Variants in PLXNA2 observed in about 807,000 individuals in gnomAD.
PLXNA2 encodes the protein plexin A2.
Under a neutral mutation model 193.5 loss-of-function variants are expected in PLXNA2, and 91 were observed. That is an observed-to-expected ratio of 0.47 (90% CI 0.40 to 0.56). The LOEUF (loss-of-function observed/expected upper bound fraction) is 0.56. PLXNA2 is among the 20% of genes least tolerant of loss of function. The pLI is 0.00. For missense variants in PLXNA2, 1,995 were observed against 2,503.2 expected, an observed-to-expected ratio of 0.80 and a Z score of 4.33; for synonymous variants, 997 against 1,027.3, an observed-to-expected ratio of 0.97 and a Z score of 0.56.
intron 4 of PLXNA2, among the ~76,000 whole-genome samples, chr1:208,104,939 A>G (rs2102420796): frequency 6.6e-6 from 1 of 152,312 alleles, no homozygotes; most frequent in African/African-American, 2.4e-5. Flanking sequence ...AGTGTGATAG[A>G]CCTAAGGGTT....
chr1:208,186,788 C>T (rs1027338339), intron 3 of PLXNA2, among the ~76,000 whole-genome samples: 1 of 150,024 alleles, frequency 6.7e-6, no homozygotes, highest in Non-Finnish European at 1.5e-5. Flanking sequence ...GGCGCAATCT[C>T]GGCTCACTGC....
In PLXNA2 at chr1:208,236,522, C is replaced by T. The variant is rs189345999; in HGVS notation, c.-81+7121G>A. 5.9e-5 allele frequency among the ~76,000 whole-genome samples: 9 copies of T among 152,284 alleles called. No homozygotes were observed. The East Asian group carries it at 1.7e-3, about 29-fold the overall frequency. ...CCTCTCTCCCTTAAAGGGTGGAGCA[C>T]ACTGCCTGGCCGGCTGCTCCCTCTA... is the stretch of plus-strand genomic sequence containing the variant. On this transcript the variant is annotated intron_variant, in intron 1 of 31. Coordinates refer to ENST00000367033, the MANE Select transcript of PLXNA2 (RefSeq NM_025179.4). This position sits in a 1 kb window ranked among gnomAD's most constrained non-coding sequence, Gnocchi z 4.4.
intron 9 of PLXNA2, among the ~76,000 whole-genome samples, chr1:208,088,918 C>T (rs1666624420): frequency 6.6e-6 from 1 of 152,108 alleles, no homozygotes; most frequent in Non-Finnish European, 1.5e-5. Context: ...TCTCTGAATC[C>T]TAATTTCTGC....
chr1:208,105,238 T>G (rs1018010801), intron 4 of PLXNA2, among the ~76,000 whole-genome samples: 1 of 152,206 alleles, frequency 6.6e-6, no homozygotes, highest in African/African-American at 2.4e-5. Context: ...AAAGTAGTCA[T>G]GCAGGCTGTT....
intron 3 of PLXNA2, among the ~76,000 whole-genome samples, chr1:208,169,780 A>G (rs1669432902): frequency 6.6e-6 from 1 of 152,252 alleles, no homozygotes; most frequent in Non-Finnish European, 1.5e-5. Context: ...TATGGTGCAA[A>G]TCAAGTATAG....
chr1:208,029,718 G>T, intron 29 of PLXNA2: 7 of 986,108 alleles, frequency 7.1e-6, no homozygotes, highest in Non-Finnish European at 8.4e-6. Context: ...AAGAGGAACC[G>T]ATCAGTAGTT....
At chr1:208,239,253 C>T (rs983608531) in intron 1 of PLXNA2, among the ~76,000 whole-genome samples, 1 of 151,964 alleles carries the variant, frequency 6.6e-6, no homozygotes, top group Admixed American at 6.5e-5. Context: ...CTTCTCAGTT[C>T]AGCCCAGAGC....
intron 22 of PLXNA2, 154 bp from the exon 23 acceptor site, chr1:208,040,212 G>A: frequency 1.6e-6 from 1 of 630,166 alleles, no homozygotes; most frequent in Non-Finnish European, 2.9e-6. Flanking sequence ...AGCTCACCCA[G>A]TAACTAGACT....
chr1:208,154,825 T>A (rs1282571873), intron 3 of PLXNA2, among the ~76,000 whole-genome samples: 1 of 152,216 alleles, frequency 6.6e-6, no homozygotes, highest in Non-Finnish European at 1.5e-5. Context: ...TAATTCTCAC[T>A]TTCCTCATCT....
chr1:208,217,943 G>C lies in PLXNA2; in HGVS notation c.-21C>G. 6.2e-7 allele frequency: 1 copy of C among 1,602,342 alleles called. No homozygotes were observed. Among genetic ancestry groups the C allele is most frequent in the Non-Finnish European group, 8.5e-7 (1 of 1,179,188 alleles). On this transcript the variant is annotated 5_prime_UTR_variant, in exon 2 of 32. Transcript: ENST00000367033. This position sits in a 1 kb window ranked among gnomAD's most constrained non-coding sequence, Gnocchi z 4.7. ...TCCATGCTGAGAGGGGCGGCGGTGAGGAGACGGCTCCTGTGTGTGCTCATC... is the reference window on the plus strand; with the variant it reads ...TCCATGCTGAGAGGGGCGGCGGTGACGAGACGGCTCCTGTGTGTGCTCATC...
rs538173911 is a variant in PLXNA2, at chr1:208,170,875, T to C, written c.1372-28412A>G. The stretch of plus-strand genomic sequence containing the variant: ...ATAAAATAAAATATAGTCCTTGCTC[T>C]CAAGAATCCTACAATCCAGTGCAGA... On this transcript the variant is annotated intron_variant, in intron 3 of 31. Coordinates refer to ENST00000367033, the MANE Select transcript of PLXNA2 (RefSeq NM_025179.4). Among the ~76,000 whole-genome samples, 16 of 152,286 alleles carry C rather than the reference T, an allele frequency of 1.1e-4. No homozygotes were observed. The South Asian group carries it at 3.3e-3, about 32-fold the overall frequency.
chr1:208,098,823 A>T (rs1372643232), intron 6 of PLXNA2, 23 bp downstream of exon 6: 1 of 1,611,984 alleles, frequency 6.2e-7, no homozygotes, highest in Non-Finnish European at 8.5e-7. Context: ...CCCTCTCCCC[A>T]TGCCCCTGGA....
At chr1:208,076,525 C>T (rs1666156374) in intron 12 of PLXNA2, among the ~76,000 whole-genome samples, 1 of 152,150 alleles carries the variant, frequency 6.6e-6, no homozygotes, top group African/African-American at 2.4e-5. Flanking sequence ...CAAGTTGTGT[C>T]AGGTGCCCTG....
chr1:208,192,904 G>GA (rs928464634), intron 3 of PLXNA2, among the ~76,000 whole-genome samples: 141 of 23,266 alleles, frequency 6.1e-3, no homozygotes, highest in African/African-American at 0.012. Context: ...AAAAGAAAAA[G>GA]AAAAAAAAAA....
intron 4 of PLXNA2, among the ~76,000 whole-genome samples, chr1:208,138,230 C>T (rs640699): frequency 0.13 from 19,303 of 152,116 alleles, 1,635 homozygotes; most frequent in Middle Eastern, 0.19. Context: ...ATCCATGCAG[C>T]CACTCTCTCC....
At chr1:208,084,233 T>G (rs1571897891) in intron 10 of PLXNA2, 147 bp downstream of exon 10, 1 of 772,324 alleles carries the variant, frequency 1.3e-6, no homozygotes. Flanking sequence ...GCGGCTGGGG[T>G]GCTGGCTGGC....
At chr1:208,161,852 G>T (rs1669115186) in intron 3 of PLXNA2, among the ~76,000 whole-genome samples, 1 of 152,172 alleles carries the variant, frequency 6.6e-6, no homozygotes, top group African/African-American at 2.4e-5. Context: ...GCCAAAATCT[G>T]TACTTTATTA....
At chr1:208,090,735 ATC>A (rs1179682589) in intron 9 of PLXNA2, among the ~76,000 whole-genome samples, 1 of 151,948 alleles carries the variant, frequency 6.6e-6, no homozygotes, top group Non-Finnish European at 1.5e-5. Flanking sequence ...ACTTCATCCA[ATC>A]TCTCTGTGTC....
At chr1:208,039,518 A>G in intron 24 of PLXNA2, 103 bp downstream of exon 24, 5 of 1,499,702 alleles carry the variant, frequency 3.3e-6, no homozygotes, top group Non-Finnish European at 3.6e-6. Context: ...CCAGCCTCCC[A>G]TCCTCTTTAT....
Sources: gnomAD v4.1 joint callset for allele counts (sites outside exome capture counted in the v4.1 genomes callset) on GRCh38, gnomAD v4.1.1 for gene constraint, Gnocchi (gnomAD v3.1) non-coding constraint, MANE v1.5 for transcripts, NCBI Gene and HGNC (gene_info 2026-07-23, HGNC 2026-07-21) for gene names.